The following MEI1 variants were observed in gnomAD, a reference collection of about 807,000 sequenced individuals.
MEI1 encodes the protein meiotic double-stranded break formation protein 1.
MEI1 carries 103 observed loss-of-function variants against 146.2 expected under a neutral mutation model. The observed-to-expected ratio is 0.70, with a 90% CI of 0.60 to 0.83. The LOEUF is 0.83. Ranked by LOEUF, MEI1 falls within the 40% of genes least tolerant of loss-of-function variation. The pLI is 0.00. For missense variants in MEI1, 1,529 were observed against 1,533.0 expected (o/e 1.00, Z 0.04); for synonymous variants, 652 against 628.2 (o/e 1.04, Z -0.57).
intron 19 of MEI1, among the ~76,000 whole-genome samples, chr22:41,764,252 G>C (rs1417810165): frequency 6.6e-6 from 1 of 152,138 alleles, no homozygotes; most frequent in Admixed American, 6.6e-5. Flanking sequence ...GAGCCACCGT[G>C]CCCGGCTGGA....
chr22:41,709,898 C>A (rs534428115), intron 3 of MEI1, among the ~76,000 whole-genome samples: 1 of 152,136 alleles, frequency 6.6e-6, no homozygotes, highest in East Asian at 1.9e-4. Flanking sequence ...AGCATTCTTT[C>A]CTTAGGAACT....
At chr22:41,799,206 T>C (rs1206736114) in intron 30 of MEI1, 48 bp from the exon 31 acceptor site, 10 of 1,590,572 alleles carry the variant, frequency 6.3e-6, no homozygotes, top group South Asian at 1.1e-5. Context: ...GATGCCCCCA[T>C]GGTTGGCCCC....
At chr22:41,793,549 G>A (rs537680015) in intron 26 of MEI1, among the ~76,000 whole-genome samples, 1 of 151,436 alleles carries the variant, frequency 6.6e-6, no homozygotes, top group East Asian at 2.0e-4. Context: ...TGATCCAGAC[G>A]CTTTGGCCTC....
At chr22:41,777,480 G>A (rs140189302) in intron 21 of MEI1, among the ~76,000 whole-genome samples, 177 of 152,250 alleles carry the variant, frequency 1.2e-3, no homozygotes, top group Non-Finnish European at 1.9e-3. Context: ...TAAGCAAAGC[G>A]AAAGGCAATC....
chr22:41,755,424 T>G (rs745365763), intron 17 of MEI1, among the ~76,000 whole-genome samples: 1 of 152,224 alleles, frequency 6.6e-6, no homozygotes, highest in Non-Finnish European at 1.5e-5. Context: ...GCTTGGCTAC[T>G]GGTTCTCTCA....
chr22:41,749,475 A>G (rs1197256817), intron 15 of MEI1, among the ~76,000 whole-genome samples: 2 of 152,056 alleles, frequency 1.3e-5, no homozygotes, highest in Non-Finnish European at 2.9e-5. Context: ...GGGTTTCTCC[A>G]TGTTGGCCAG....
intron 7 of MEI1, among the ~76,000 whole-genome samples, chr22:41,729,248 G>A (rs1001621403): frequency 3.5e-4 from 52 of 150,182 alleles, no homozygotes; most frequent in Non-Finnish European, 2.4e-4. Context: ...TGAGAAGATC[G>A]CTGGATACCT....
chr22:41,703,780 T>TA (rs1284431855), intron 2 of MEI1, among the ~76,000 whole-genome samples: 1 of 152,092 alleles, frequency 6.6e-6, no homozygotes, highest in African/African-American at 2.4e-5. Flanking sequence ...GGTCAAGAGT[T>TA]AGAGACTAGC....
chr22:41,747,936 ATC>A (rs1232414525), intron 14 of MEI1, among the ~76,000 whole-genome samples, 169 bp from the exon 15 acceptor site: 1 of 152,118 alleles, frequency 6.6e-6, no homozygotes, highest in African/African-American at 2.4e-5. Flanking sequence ...ATCTAGTACA[ATC>A]TATCAGGTGA....
At chr22:41,791,022 C>T (rs1287620491) in intron 26 of MEI1, among the ~76,000 whole-genome samples, 1 of 152,164 alleles carries the variant, frequency 6.6e-6, no homozygotes. Context: ...GGCAGGACAA[C>T]AGCATGTATA....
intron 11 of MEI1, among the ~76,000 whole-genome samples, chr22:41,735,496 G>A (rs1176373884): frequency 6.6e-6 from 1 of 152,136 alleles, no homozygotes; most frequent in Non-Finnish European, 1.5e-5. Context: ...GCCTTCCAAA[G>A]TGCTGGGATT....
intron 17 of MEI1, among the ~76,000 whole-genome samples, chr22:41,757,195 C>T (rs186027021): frequency 3.3e-4 from 51 of 152,306 alleles, no homozygotes; most frequent in Non-Finnish European, 6.3e-4. Context: ...TCTGGGTTCA[C>T]GCCATTCTCC....
rs2076321139 is a variant in MEI1, at chr22:41,795,261, C to A, written c.3535-150C>A. On this transcript the variant is annotated intron_variant, in intron 28 of 30. Coordinates refer to ENST00000401548, the MANE Select transcript of MEI1 (RefSeq NM_152513.4). The surrounding 1 kb of genome is among the most constrained non-coding windows in gnomAD (Gnocchi z 4.2). ...ACCCCACTTCCCCATGACACAGTCC[C>A]ACCTCTGCCCACTAACTCTGAGCTC... The A allele has an allele frequency of 9.6e-7, 1 of 1,036,844 alleles. No individual in the cohort carries two copies. Among genetic ancestry groups the A allele is most frequent in the Admixed American group, 2.5e-5 (1 of 40,682 alleles). 64.2% of individuals were successfully genotyped at this position (1,036,844 alleles called of 1,614,324 possible). A position where few individuals can be genotyped will look rare whatever the true frequency, so the allele number is the denominator to read the frequency against.
chr22:41,699,841 TCCTC>T (rs2068556175), intron 1 of MEI1, 129 bp downstream of exon 1: 1 of 1,185,120 alleles, frequency 8.4e-7, no homozygotes, highest in East Asian at 2.8e-5. Context: ...GTGTTCACTC[TCCTC>T]CCTGTCAGCC....
At chr22:41,791,115 CTG>C (rs528457953) in intron 26 of MEI1, among the ~76,000 whole-genome samples, 53 of 152,302 alleles carry the variant, frequency 3.5e-4, no homozygotes, top group East Asian at 2.1e-3. Flanking sequence ...CAGAGCCAAA[CTG>C]AGCCATGCCT....
chr22:41,757,129 C>T (rs2074144142), intron 17 of MEI1, among the ~76,000 whole-genome samples: 2 of 152,260 alleles, frequency 1.3e-5, no homozygotes, highest in Admixed American at 1.3e-4. Context: ...GAGTCTCGCT[C>T]TGTCGCCCAT....
chr22:41,716,480 G>T (rs569737303), intron 5 of MEI1, among the ~76,000 whole-genome samples: 27 of 144,196 alleles, frequency 1.9e-4, no homozygotes, highest in African/African-American at 6.3e-4. Flanking sequence ...GGGTTCAAGC[G>T]ATTCTCCTAC....
chr22:41,724,283 G>A (rs2071120461), intron 7 of MEI1, among the ~76,000 whole-genome samples: 1 of 152,060 alleles, frequency 6.6e-6, no homozygotes, highest in Admixed American at 6.6e-5. Flanking sequence ...GCCCAGGAGT[G>A]CAAGACCAGC....
At chr22:41,721,078 C>CCGTGCCTGGCTAA (rs1555928241) in intron 6 of MEI1, among the ~76,000 whole-genome samples, 1 of 149,650 alleles carries the variant, frequency 6.7e-6, no homozygotes, top group Non-Finnish European at 1.5e-5. Flanking sequence ...TGCGCCCAGC[C>CCGTGCCTGGCTAA]TTTTTTTTGT....
Sources: gnomAD v4.1 joint callset for allele counts (sites outside exome capture counted in the v4.1 genomes callset) on GRCh38, gnomAD v4.1.1 for gene constraint, Gnocchi (gnomAD v3.1) non-coding constraint, MANE v1.5 for transcripts, NCBI Gene and HGNC (gene_info 2026-07-23, HGNC 2026-07-21) for gene names.